Variants in STEAP3 observed in about 807,000 individuals in gnomAD.
STEAP3 encodes STEAP3 metalloreductase.
Under a neutral mutation model 34.9 loss-of-function variants are expected in STEAP3, and 35 were observed. The observed-to-expected ratio is 1.00, with a 90% CI of 0.76 to 1.33. STEAP3 has a LOEUF of 1.33. Ranked by LOEUF, STEAP3 falls within the 40% of genes most tolerant of loss-of-function variation. The probability of loss-of-function intolerance (pLI) is 0.00; values close to 1 mark genes in which losing one functional copy is unlikely to be tolerated. For synonymous variants in STEAP3, 281 were observed against 301.6 expected (o/e 0.93, Z 0.71); for missense variants, 652 against 667.6 (o/e 0.98, Z 0.26).
At position 119,230,856 on chromosome 2, in the gene STEAP3, G is replaced by C. The variant is rs1466124928; in HGVS notation, c.-157G>C. On this transcript the variant is annotated 5_prime_UTR_variant, in exon 2 of 6. Coordinates refer to ENST00000393110, the MANE Select transcript of STEAP3 (RefSeq NM_182915.3). ...GCGTGCAGGCTGCGGGAGGCAGCTG[G>C]CTGTGCAAGACCCTGGCAGGGCCCT... 4 of 918,262 alleles carry C rather than the reference G, an allele frequency of 4.4e-6. No individual in the cohort carries two copies. The allele number at this position is 918,262 out of a possible 1,614,324, so 56.9% of individuals were successfully genotyped here.
Position 119,247,855 on chromosome 2 carries a change from C to T in STEAP3, c.699C>T (p.Phe233=), listed in dbSNP as rs766177043. The change falls in exon 4 of 6, where the codon TTC becomes TTT. Residue 233 remains phenylalanine (F), a synonymous_variant. Coordinates refer to ENST00000393110, the MANE Select transcript of STEAP3 (RefSeq NM_182915.3). ...KVPTLLALGL[F]VCFYAYNFVR... is the part of the protein sequence containing the mutation. Reference sequence around the variant, plus strand: ...CCACCCTGCTGGCCCTGGGGCTCTTCGTCTGCTTCTATGCCTACAACTTCG... The same window carrying T: ...CCACCCTGCTGGCCCTGGGGCTCTTTGTCTGCTTCTATGCCTACAACTTCG... 1.8e-5 allele frequency: 29 copies of T among 1,613,734 alleles called. No homozygotes were observed. Among genetic ancestry groups the T allele is most frequent in the South Asian group, 4.4e-5 (4 of 91,086 alleles).
chr2:119,241,963 GC>G (rs1279196255), intron 2 of STEAP3, among the ~76,000 whole-genome samples: 1 of 152,208 alleles, frequency 6.6e-6, no homozygotes, highest in Non-Finnish European at 1.5e-5. Context: ...CCCTTCGGCT[GC>G]CCCCTGGGCA....
Position 119,245,617 on chromosome 2 carries a change from C to T in STEAP3, c.151C>T (p.Arg51Cys), listed in dbSNP as rs558181581. 52 of 1,609,600 alleles carry T rather than the reference C, an allele frequency of 3.2e-5. No homozygotes were observed. The highest frequency in any genetic ancestry group is 3.3e-4 in the Middle Eastern group (2 of 6,050). ...VGILGSGDFA[R>C]SLATRLVGSG... ...CATCCTGGGTAGCGGGGACTTTGCC[C>T]GCTCCCTGGCCACACGCCTGGTGGG... Residue 51 changes from arginine (R) to cysteine (C), a missense_variant, in exon 3 of 6, where the codon CGC becomes TGC. By Grantham distance (180) the Arg-to-Cys change is radical. Coordinates refer to ENST00000393110, the MANE Select transcript of STEAP3 (RefSeq NM_182915.3).
rs148447166 is a variant in STEAP3 at position 119,256,196 on chromosome 2, A to G, written c.1215+1348A>G. ...TAATCCAAATTAATTGCTCCTGACC[A>G]GGGATGCTTCACATCCATTGGAACA... On this transcript the variant is annotated intron_variant, in intron 5 of 5. Coordinates refer to ENST00000393110, the MANE Select transcript of STEAP3 (RefSeq NM_182915.3). Among the ~76,000 whole-genome samples the G allele has an allele frequency of 1.1e-4, 16 of 152,338 alleles. 1 individual carries two copies. In the East Asian group the frequency reaches 3.1e-3, roughly 29 times the overall value.
intron 4 of STEAP3, among the ~76,000 whole-genome samples, chr2:119,252,654 C>T (rs955760015): frequency 6.6e-6 from 1 of 152,154 alleles, no homozygotes; most frequent in Non-Finnish European, 1.5e-5. Flanking sequence ...GTTACATCTG[C>T]GTTCCAGTTA....
intron 4 of STEAP3, among the ~76,000 whole-genome samples, chr2:119,253,204 T>A (rs72954929): frequency 0.083 from 12,577 of 152,174 alleles, 1,393 homozygotes; most frequent in African/African-American, 0.25. Flanking sequence ...CCAGAGACAG[T>A]CTTGCCAGAG....
At chr2:119,235,272 G>C (rs1677061933) in intron 2 of STEAP3, among the ~76,000 whole-genome samples, 2 of 152,344 alleles carry the variant, frequency 1.3e-5, no homozygotes, top group African/African-American at 4.8e-5. Context: ...GGCAGCCAAG[G>C]GGTACGTAGG....
rs781648522 is a variant in STEAP3 at position 119,245,737 on chromosome 2, G to A, written c.271G>A (p.Val91Met). ...AAQVTFQEEA[V>M]SSPEVIFVAV... The stretch of plus-strand genomic sequence containing the variant: ...CCAAGTGACTTTCCAAGAGGAGGCA[G>A]TGAGCTCCCCGGAGGTCATCTTTGT... The change falls in exon 3 of 6, where the codon GTG becomes ATG. Residue 91 changes from valine (V) to methionine (M), a missense_variant. Coordinates refer to ENST00000393110, the MANE Select transcript of STEAP3 (RefSeq NM_182915.3). 1.2e-6 allele frequency: 2 copies of A among 1,614,260 alleles called. No individual in the cohort carries two copies. Among genetic ancestry groups the A allele is most frequent in the Non-Finnish European group, 1.7e-6 (2 of 1,180,042 alleles).
Position 119,263,457 on chromosome 2 carries a change from T to C in STEAP3, c.*119T>C, listed in dbSNP as rs952169593. ...CTGTGTGCAAATAGGAGGTTTGAGGTCCAAATTCCTGGGACTCAAATGTAT... is the reference window on the plus strand; with the variant it reads ...CTGTGTGCAAATAGGAGGTTTGAGGCCCAAATTCCTGGGACTCAAATGTAT... On this transcript the variant is annotated 3_prime_UTR_variant, in exon 6 of 6. Transcript: ENST00000393110. The C allele has an allele frequency of 1.4e-6, 2 of 1,385,556 alleles. No homozygotes were observed. The highest frequency in any genetic ancestry group is 2.0e-6 in the Non-Finnish European group (2 of 1,008,884). The allele number at this position is 1,385,556 out of a possible 1,614,324, so 85.8% of individuals were successfully genotyped here.
chr2:119,246,159 C>A, intron 3 of STEAP3, 171 bp downstream of exon 3: 1 of 928,568 alleles, frequency 1.1e-6, no homozygotes, highest in Non-Finnish European at 1.6e-6. Context: ...AATGATCTTA[C>A]TGAAAATTCC....
chr2:119,224,741 G>A (rs1465368755), intron 1 of STEAP3, among the ~76,000 whole-genome samples: 1 of 152,178 alleles, frequency 6.6e-6, no homozygotes, highest in Non-Finnish European at 1.5e-5. Flanking sequence ...AATGCCCCCA[G>A]GGAGGTATTT....
chr2:119,249,202 T>C (rs1677548493), intron 4 of STEAP3: 2 of 152,200 alleles, frequency 1.3e-5, no homozygotes, highest in Non-Finnish European at 2.9e-5. Flanking sequence ...TAATCATTCA[T>C]TTAGAAAATT....
Position 119,264,800 on chromosome 2 carries a change from C to A in STEAP3, c.*1462C>A. 8.4e-6 allele frequency: 1 copy of A among 119,094 alleles called. No homozygotes were observed. Among genetic ancestry groups the A allele is most frequent in the Non-Finnish European group, 1.6e-5 (1 of 61,040 alleles). The allele number at this position is 119,094 out of a possible 1,614,324, so 7.4% of individuals were successfully genotyped here. On this transcript the variant is annotated 3_prime_UTR_variant, in exon 6 of 6. Transcript: ENST00000393110. Reference sequence around the variant, plus strand: ...AGAGAATGTCACAGATGAGGCTGCCCCTGCCCCCCCCCCGCCAGGGAGGTT... The same window carrying A: ...AGAGAATGTCACAGATGAGGCTGCCACTGCCCCCCCCCCGCCAGGGAGGTT...
intron 4 of STEAP3, among the ~76,000 whole-genome samples, chr2:119,252,853 G>GA (rs140710735): frequency 6.6e-6 from 1 of 151,980 alleles, no homozygotes; most frequent in East Asian, 1.9e-4. Flanking sequence ...AATGTTAGAG[G>GA]AAAAAAACAA....
rs1197009993 is a variant in STEAP3, at chr2:119,263,421, AAGTGG to A, written c.*84_*88del. On this transcript the variant is annotated 3_prime_UTR_variant, in exon 6 of 6. Transcript: ENST00000393110. ...TAGGTTTTCTTTTCTTGGTGGTGCA[AAGTGG>A]TATAACTGTGTGCAAATAGGAGGTT... 6.5e-7 allele frequency: 1 copy of A among 1,539,266 alleles called. No homozygotes were observed. Among genetic ancestry groups the A allele is most frequent in the African/African-American group, 1.4e-5 (1 of 73,118 alleles).
chr2:119,247,662 C>G lies in STEAP3; in HGVS notation c.523-17C>G, dbSNP rs777460841. ...TGGCCTGTGACGCCGTCTGACTGCC[C>G]CACTTTTCTCCCGCAGGTGCCCATC... On this transcript the variant is annotated splice_polypyrimidine_tract_variant and intron_variant, in intron 3 of 5. Coordinates refer to ENST00000393110, the MANE Select transcript of STEAP3 (RefSeq NM_182915.3). The G allele has an allele frequency of 6.6e-7, 1 of 1,513,092 alleles. No individual in the cohort carries two copies. Among genetic ancestry groups the G allele is most frequent in the East Asian group, 2.3e-5 (1 of 43,776 alleles). 93.7% of individuals were successfully genotyped at this position (1,513,092 alleles called of 1,614,324 possible). A position where few individuals can be genotyped will look rare whatever the true frequency, so the allele number is the denominator to read the frequency against.
intron 1 of STEAP3, among the ~76,000 whole-genome samples, chr2:119,225,276 C>T (rs1203875048): frequency 6.6e-6 from 1 of 152,176 alleles, no homozygotes; most frequent in Non-Finnish European, 1.5e-5. Context: ...TAGTGAATGT[C>T]TAATGGGTAA....
At chr2:119,249,634 C>A (rs987512891) in intron 4 of STEAP3, among the ~76,000 whole-genome samples, 1 of 152,112 alleles carries the variant, frequency 6.6e-6, no homozygotes, top group African/African-American at 2.4e-5. Flanking sequence ...ACAGGGCCAT[C>A]CCCTCCGAGC....
intron 5 of STEAP3, chr2:119,257,455 AGT>A: frequency 6.6e-7 from 1 of 1,518,266 alleles, no homozygotes; most frequent in Non-Finnish European, 8.8e-7. Context: ...CGCATGCCGC[AGT>A]GTGTGGCAAC....
Sources: gnomAD v4.1 joint callset for allele counts (sites outside exome capture counted in the v4.1 genomes callset) on GRCh38, gnomAD v4.1.1 for gene constraint, MANE v1.5 for transcripts, NCBI Gene and HGNC (gene_info 2026-07-23, HGNC 2026-07-21) for gene names.